LARP1B: variants seen among roughly 807,000 people sequenced by gnomAD.
The protein encoded by LARP1B is la-related protein 1B.
Under a neutral mutation model 114.2 loss-of-function variants are expected in LARP1B, and 76 were observed. The observed-to-expected ratio is 0.67, with a 90% CI of 0.55 to 0.81. LARP1B has a LOEUF of 0.81. Ranked by LOEUF, LARP1B falls within the 30% of genes least tolerant of loss-of-function variation. The pLI, the probability that LARP1B is intolerant of heterozygous loss-of-function variation, is 0.00. For synonymous variants in LARP1B, 345 were observed against 348.0 expected (o/e 0.99, Z 0.10); for missense variants, 1,014 against 1,075.8 (o/e 0.94, Z 0.80).
intron 11 of LARP1B, chr4:128,122,432 AC>A: frequency 6.9e-7 from 1 of 1,453,942 alleles, no homozygotes; most frequent in South Asian, 1.3e-5. Context: ...ACTGACTTAT[AC>A]CCTTGTTTTT....
chr4:128,110,382 G>A (rs1022920489), intron 9 of LARP1B, among the ~76,000 whole-genome samples: 6 of 151,148 alleles, frequency 4.0e-5, no homozygotes, highest in African/African-American at 1.2e-4. Flanking sequence ...CCCTTAATCC[G>A]TTCAGATGTA....
At chr4:128,132,113 G>A (rs1791741571) in intron 11 of LARP1B, among the ~76,000 whole-genome samples, 1 of 152,128 alleles carries the variant, frequency 6.6e-6, no homozygotes, top group South Asian at 2.1e-4. Flanking sequence ...TCTTGTACAT[G>A]AATGTTCATT....
rs149527672 is a variant in LARP1B, at chr4:128,087,151, C to T, written c.359-3850C>T. On this transcript the variant is annotated intron_variant, in intron 5 of 19. Transcript: ENST00000326639. Reference sequence around the variant, plus strand: ...GGCCAGGCTGGTCACGAACTCCTGACCTCAAGTGATCTGCCTCCCTTGGCC... The same window carrying T: ...GGCCAGGCTGGTCACGAACTCCTGATCTCAAGTGATCTGCCTCCCTTGGCC... Among the ~76,000 whole-genome samples the T allele has an allele frequency of 5.2e-3, 791 of 152,074 alleles. 7 individuals carry two copies. The highest frequency in any genetic ancestry group is 0.015 in the African/African-American group (612 of 41,480).
chr4:128,195,409 CT>C (rs1753751099), intron 15 of LARP1B, among the ~76,000 whole-genome samples: 1 of 152,188 alleles, frequency 6.6e-6, no homozygotes, highest in Non-Finnish European at 1.5e-5. Flanking sequence ...TGATCTACCT[CT>C]TTGCTTCCTT....
chr4:128,121,544 A>C (rs1255188567), intron 10 of LARP1B, among the ~76,000 whole-genome samples: 1 of 152,244 alleles, frequency 6.6e-6, no homozygotes, highest in African/African-American at 2.4e-5. Flanking sequence ...CCTTTGTTTT[A>C]ATCAGTAAAA....
rs1253469262 is a variant in LARP1B at position 128,210,154 on chromosome 4, T to C, written c.*101T>C. On this transcript the variant is annotated 3_prime_UTR_variant, in exon 20 of 20. Transcript: ENST00000326639. The stretch of plus-strand genomic sequence containing the variant: ...TCCTTGAAGTCAACATTTACATCAG[T>C]ATTTATTTGGGGAAAATCTTCTGGT... The C allele has an allele frequency of 6.5e-7, 1 of 1,545,670 alleles. No individual in the cohort carries two copies. Among genetic ancestry groups the C allele is most frequent in the African/African-American group, 1.4e-5 (1 of 72,910 alleles).
intron 7 of LARP1B, among the ~76,000 whole-genome samples, chr4:128,222,114 A>G (rs1205489206): frequency 6.6e-6 from 1 of 152,106 alleles, no homozygotes; most frequent in African/African-American, 2.4e-5. Flanking sequence ...TCTGATTTTA[A>G]TTGTTTTATT....
intron 13 of LARP1B, among the ~76,000 whole-genome samples, chr4:128,177,714 G>A (rs1389530354): frequency 1.3e-5 from 2 of 152,146 alleles, no homozygotes; most frequent in East Asian, 1.9e-4. Flanking sequence ...ACATGCTGCT[G>A]GTGAGAGTGT....
chr4:128,171,945 C>A (rs1156877429), intron 12 of LARP1B, among the ~76,000 whole-genome samples: 1 of 151,102 alleles, frequency 6.6e-6, no homozygotes, highest in Non-Finnish European at 1.5e-5. Context: ...ACATTTACAG[C>A]AAATAGAGTG....
At chr4:128,070,581 A>G (rs1764855285) in intron 1 of LARP1B, among the ~76,000 whole-genome samples, 1 of 152,108 alleles carries the variant, frequency 6.6e-6, no homozygotes, top group African/African-American at 2.4e-5. Flanking sequence ...GAATTGCTTG[A>G]ACCCGGGAGG....
intron 1 of LARP1B, among the ~76,000 whole-genome samples, chr4:128,072,149 G>A (rs999386113): frequency 1.3e-5 from 2 of 152,014 alleles, no homozygotes. Flanking sequence ...ACAGGCACCC[G>A]CTGCTATGCC....
At chr4:128,176,756 C>A in intron 12 of LARP1B, 116 bp from the exon 13 acceptor site, 1 of 903,662 alleles carries the variant, frequency 1.1e-6, no homozygotes, top group Non-Finnish European at 1.7e-6. Context: ...ATGAGACTTA[C>A]TCTTGGCATC....
intron 11 of LARP1B, among the ~76,000 whole-genome samples, chr4:128,138,580 G>C (rs1320229854): frequency 6.6e-6 from 1 of 152,122 alleles, no homozygotes; most frequent in Non-Finnish European, 1.5e-5. Context: ...CTTATGAGAA[G>C]AACATATCTT....
chr4:128,196,199 C>T lies in LARP1B; in HGVS notation c.2004-3240C>T, dbSNP rs1385590924. 4.3e-5 allele frequency among the ~76,000 whole-genome samples: 6 copies of T among 140,270 alleles called. No individual in the cohort carries two copies. In the South Asian group the frequency reaches 6.9e-4, roughly 16 times the overall value. The allele number at this position is 140,270 out of a possible 152,430, so 92.0% of individuals were successfully genotyped here. ...CCGGGAAGCGGATGTCACAGTGAGC[C>T]GAGATCATGTCACTACACTTCAGCC... On this transcript the variant is annotated intron_variant, in intron 15 of 19. Coordinates refer to ENST00000326639, the MANE Select transcript of LARP1B (RefSeq NM_018078.4).
intron 15 of LARP1B, among the ~76,000 whole-genome samples, chr4:128,181,042 A>G (rs1748159139): frequency 6.6e-6 from 1 of 152,130 alleles, no homozygotes; most frequent in African/African-American, 2.4e-5. Flanking sequence ...TGTAGGCAGC[A>G]TATATTTGGG....
intron 9 of LARP1B, chr4:128,107,917 A>G: frequency 1.3e-6 from 2 of 1,536,056 alleles, no homozygotes; most frequent in East Asian, 2.4e-5. Context: ...CTTGGATGTC[A>G]TTTGATCGGA....
intron 5 of LARP1B, among the ~76,000 whole-genome samples, chr4:128,089,759 A>G (rs955174625): frequency 1.3e-5 from 2 of 150,856 alleles, no homozygotes; most frequent in African/African-American, 4.9e-5. Context: ...AAGGCTGAAC[A>G]CTGTTTTCGT....
chr4:128,219,877 TAC>T (rs1254581952), intron 6 of LARP1B, among the ~76,000 whole-genome samples: 3 of 152,056 alleles, frequency 2.0e-5, no homozygotes, highest in African/African-American at 7.2e-5. Context: ...AGCTTTGAAA[TAC>T]ATTTTATTTT....
intron 15 of LARP1B, among the ~76,000 whole-genome samples, chr4:128,192,830 T>C (rs1406208731): frequency 6.6e-6 from 1 of 151,868 alleles, no homozygotes; most frequent in Non-Finnish European, 1.5e-5. Flanking sequence ...GTTTGTTTCT[T>C]TGTTTTTTTT....
Sources: gnomAD v4.1 joint callset for allele counts (sites outside exome capture counted in the v4.1 genomes callset) on GRCh38, gnomAD v4.1.1 for gene constraint, MANE v1.5 for transcripts, NCBI Gene and HGNC (gene_info 2026-07-23, HGNC 2026-07-21) for gene names.